The following FAM107B variants were observed in gnomAD, a reference collection of about 807,000 sequenced individuals.
The protein encoded by FAM107B is protein FAM107B.
FAM107B carries 21 observed loss-of-function variants against 31.5 expected under a neutral mutation model. The observed-to-expected ratio is 0.67, with a 90% CI of 0.47 to 0.96. The LOEUF is 0.96. Among genes scored for constraint, FAM107B ranks in the 40% least tolerant of loss-of-function variants. FAM107B has a pLI of 0.00. For missense variants in FAM107B, 452 were observed against 377.1 expected (o/e 1.20, Z -1.64); for synonymous variants, 157 against 141.5 (o/e 1.11, Z -0.78).
At chr10:14,710,431 T>TAC (rs57418409) in intron 1 of FAM107B, among the ~76,000 whole-genome samples, 5,298 of 146,418 alleles carry the variant, frequency 0.036, 120 homozygotes, top group Middle Eastern at 0.084. Flanking sequence ...TCTCTAAAAA[T>TAC]ACACACACAC....
chr10:14,664,786 T>G lies in FAM107B; in HGVS notation c.469+2848A>C, dbSNP rs139542015. 1.1e-3 allele frequency among the ~76,000 whole-genome samples: 168 copies of G among 152,346 alleles called. 1 individual carries two copies. The highest frequency in any genetic ancestry group is 3.7e-3 in the African/African-American group (154 of 41,580). On this transcript the variant is annotated intron_variant, in intron 2 of 4. Coordinates refer to ENST00000181796, the MANE Select transcript of FAM107B (RefSeq NM_031453.4). ...TATCTAGCACATAGTAGACATTCAG[T>G]AAAAGTTTTTTGAATGAATATAGTA...
intron 2 of FAM107B, among the ~76,000 whole-genome samples, chr10:14,606,094 G>C (rs1414546389): frequency 6.6e-6 from 1 of 152,088 alleles, no homozygotes; most frequent in Non-Finnish European, 1.5e-5. Context: ...CCTGCTTCCT[G>C]CTACATGATC....
chr10:14,697,015 G>T (rs759763595), intron 1 of FAM107B, among the ~76,000 whole-genome samples: 5 of 152,138 alleles, frequency 3.3e-5, no homozygotes, highest in Non-Finnish European at 5.9e-5. Flanking sequence ...TTATTCAGAT[G>T]ATGTCTGATA....
chr10:14,558,242 CACAT>C (rs141633737), intron 2 of FAM107B, among the ~76,000 whole-genome samples: 3,533 of 152,228 alleles, frequency 0.023, 74 homozygotes, highest in East Asian at 0.1. Context: ...TGCGCACACT[CACAT>C]ACGTGCACGC....
intron 2 of FAM107B, among the ~76,000 whole-genome samples, chr10:14,570,209 C>T (rs1410276201): frequency 6.7e-6 from 1 of 149,488 alleles, no homozygotes; most frequent in Non-Finnish European, 1.5e-5. Context: ...ACATTGAAAA[C>T]GTACCTACCA....
At chr10:14,562,130 G>A (rs1461439495) in intron 2 of FAM107B, among the ~76,000 whole-genome samples, 1 of 152,222 alleles carries the variant, frequency 6.6e-6, no homozygotes, top group Admixed American at 6.5e-5. Flanking sequence ...CATACTTAGT[G>A]ATGGAAAGTA....
chr10:14,694,405 T>C (rs945764239), intron 1 of FAM107B, among the ~76,000 whole-genome samples: 3 of 152,182 alleles, frequency 2.0e-5, no homozygotes, highest in African/African-American at 7.2e-5. Flanking sequence ...TTTTCTGAGA[T>C]GGAGTTTTGC....
intron 2 of FAM107B, among the ~76,000 whole-genome samples, chr10:14,646,005 T>A (rs1193992194): frequency 6.6e-6 from 1 of 152,034 alleles, no homozygotes; most frequent in African/African-American, 2.4e-5. Flanking sequence ...CTCTCCTCCC[T>A]CCTCTCCAGT....
chr10:14,768,002 G>T (rs1482921404), intron 1 of FAM107B, among the ~76,000 whole-genome samples: 1 of 152,094 alleles, frequency 6.6e-6, no homozygotes, highest in Non-Finnish European at 1.5e-5. Context: ...TTTCTATACA[G>T]TAACAATGAA....
At chr10:14,772,308 C>G (rs11815010) in intron 1 of FAM107B, among the ~76,000 whole-genome samples, 1 of 151,260 alleles carries the variant, frequency 6.6e-6, no homozygotes, top group Non-Finnish European at 1.5e-5. Context: ...GAGCCAAGAT[C>G]GTGCCACTGC....
intron 2 of FAM107B, among the ~76,000 whole-genome samples, chr10:14,610,652 A>G (rs1160757580): frequency 6.6e-6 from 1 of 152,252 alleles, no homozygotes; most frequent in East Asian, 1.9e-4. Flanking sequence ...AACATGCTAG[A>G]AACCAGATGA....
intron 2 of FAM107B, among the ~76,000 whole-genome samples, chr10:14,606,377 C>T (rs975300690): frequency 5.9e-5 from 9 of 152,106 alleles, no homozygotes; most frequent in African/African-American, 1.9e-4. Context: ...ATGGTATTGG[C>T]GTTATTGCAC....
intron 2 of FAM107B, among the ~76,000 whole-genome samples, chr10:14,593,295 G>A (rs919860921): frequency 8.6e-5 from 13 of 151,988 alleles, no homozygotes; most frequent in South Asian, 4.1e-4. Flanking sequence ...TAAGTTTAAC[G>A]ACACCATAAT....
At chr10:14,665,695 A>G (rs1467448130) in intron 2 of FAM107B, among the ~76,000 whole-genome samples, 1 of 152,166 alleles carries the variant, frequency 6.6e-6, no homozygotes, top group Non-Finnish European at 1.5e-5. Flanking sequence ...TGCCCCTACT[A>G]TGCCCCTATT....
chr10:14,713,954 T>C (rs2609823), intron 1 of FAM107B, among the ~76,000 whole-genome samples: 109,591 of 152,036 alleles, frequency 0.72, 40,068 homozygotes, highest in African/African-American at 0.86. Context: ...TGCATGTTCT[T>C]ACTTACAAGT....
chr10:14,525,548 G>T (rs1846137751), intron 3 of FAM107B, among the ~76,000 whole-genome samples: 1 of 152,088 alleles, frequency 6.6e-6, no homozygotes, highest in South Asian at 2.1e-4. Flanking sequence ...GCAAAGTAGA[G>T]ACCCTGTACC....
intron 2 of FAM107B, among the ~76,000 whole-genome samples, chr10:14,647,192 C>T (rs1412575633): frequency 6.6e-6 from 1 of 151,984 alleles, no homozygotes; most frequent in South Asian, 2.1e-4. Flanking sequence ...ATTATAATTA[C>T]AAATATTTGT....
chr10:14,771,384 T>C (rs1473279526), intron 1 of FAM107B, among the ~76,000 whole-genome samples: 1 of 152,182 alleles, frequency 6.6e-6, no homozygotes, highest in Non-Finnish European at 1.5e-5. Context: ...AAAAGTACAG[T>C]TAGAAGGAAC....
At chr10:14,675,841 T>G (rs1854669541) in intron 1 of FAM107B, among the ~76,000 whole-genome samples, 1 of 152,166 alleles carries the variant, frequency 6.6e-6, no homozygotes, top group South Asian at 2.1e-4. Flanking sequence ...AGTTAATGTG[T>G]TAAAGTGCAG....
Sources: gnomAD v4.1 joint callset for allele counts (sites outside exome capture counted in the v4.1 genomes callset) on GRCh38, gnomAD v4.1.1 for gene constraint, MANE v1.5 for transcripts, NCBI Gene and HGNC (gene_info 2026-07-23, HGNC 2026-07-21) for gene names.